GUCY1B1: variants seen among roughly 807,000 people sequenced by gnomAD.
The protein encoded by GUCY1B1 is guanylate cyclase soluble subunit beta-1.
Under a neutral mutation model 71.0 loss-of-function variants are expected in GUCY1B1, and 43 were observed. That is an observed-to-expected ratio of 0.61 (90% CI 0.47 to 0.78). The LOEUF is 0.78. GUCY1B1 is among the 30% of genes least tolerant of loss of function. GUCY1B1 has a pLI of 0.00. For missense variants in GUCY1B1, 535 were observed against 754.1 expected, an observed-to-expected ratio of 0.71 and a Z score of 3.40; for synonymous variants, 266 against 259.7, an observed-to-expected ratio of 1.02 and a Z score of -0.23.
chr4:155,760,463 CT>C (rs1265124516), intron 2 of GUCY1B1, among the ~76,000 whole-genome samples: 1 of 67,594 alleles, frequency 1.5e-5, no homozygotes, highest in Non-Finnish European at 2.8e-5. Context: ...TTTTTTTCTA[CT>C]GTGTTGAAGA....
chr4:155,795,776 G>T (rs756230616), intron 7 of GUCY1B1, among the ~76,000 whole-genome samples: 1 of 149,308 alleles, frequency 6.7e-6, no homozygotes, highest in Non-Finnish European at 1.5e-5. Context: ...AACTAAAAAG[G>T]ATTTTTTTTT....
chr4:155,799,367 C>T (rs1248091371), intron 8 of GUCY1B1, among the ~76,000 whole-genome samples: 1 of 152,104 alleles, frequency 6.6e-6, no homozygotes, highest in Non-Finnish European at 1.5e-5. Flanking sequence ...AAATTACATG[C>T]TGAGGCTGGG....
chr4:155,775,222 G>A (rs1223978603), intron 3 of GUCY1B1, among the ~76,000 whole-genome samples, 154 bp downstream of exon 3: 2 of 152,184 alleles, frequency 1.3e-5, no homozygotes, highest in Admixed American at 1.3e-4. Flanking sequence ...ATCATGTTAG[G>A]CTCAGGCTAT....
chr4:155,796,547 A>G (rs1739571180), intron 8 of GUCY1B1, 37 bp downstream of exon 8: 2 of 1,419,286 alleles, frequency 1.4e-6, no homozygotes, highest in Non-Finnish European at 2.0e-6. Context: ...GGCTATCAGT[A>G]CCTATCTTTA....
At chr4:155,765,392 T>C (rs977418194) in intron 2 of GUCY1B1, among the ~76,000 whole-genome samples, 2 of 152,160 alleles carry the variant, frequency 1.3e-5, no homozygotes, top group Admixed American at 1.3e-4. Flanking sequence ...CGTGAGTACT[T>C]GCAGCTTTTT....
intron 5 of GUCY1B1, among the ~76,000 whole-genome samples, chr4:155,791,373 C>T (rs1739149682): frequency 6.7e-6 from 1 of 149,654 alleles, no homozygotes; most frequent in African/African-American, 2.4e-5. Context: ...GCTCGGCCTT[C>T]CAAAGTGCTG....
chr4:155,793,201 C>T (rs187579675), intron 5 of GUCY1B1, among the ~76,000 whole-genome samples: 7 of 152,160 alleles, frequency 4.6e-5, no homozygotes, highest in South Asian at 2.1e-4. Flanking sequence ...CTCAGCTTCC[C>T]GAGTAGCTGG....
intron 2 of GUCY1B1, among the ~76,000 whole-genome samples, chr4:155,768,164 C>T (rs942701183): frequency 1.3e-5 from 2 of 152,086 alleles, no homozygotes; most frequent in Non-Finnish European, 1.5e-5. Context: ...TCTCCCATTT[C>T]AAAATACTCC....
chr4:155,771,256 C>CT (rs1345251520), intron 2 of GUCY1B1, among the ~76,000 whole-genome samples: 3 of 152,192 alleles, frequency 2.0e-5, no homozygotes, highest in African/African-American at 7.2e-5. Context: ...TCAGTCCCCA[C>CT]TGGGGAGCAT....
intron 2 of GUCY1B1, among the ~76,000 whole-genome samples, chr4:155,769,747 C>G (rs1737572280): frequency 6.6e-6 from 1 of 151,848 alleles, no homozygotes; most frequent in African/African-American, 2.4e-5. Flanking sequence ...ACAGTATGTC[C>G]AAAATTTTCA....
In GUCY1B1 at chr4:155,804,622, A is replaced by G. The variant is rs772475482; in HGVS notation, c.1584A>G (p.Val528=). The G allele has an allele frequency of 6.2e-7, 1 of 1,612,464 alleles. No individual in the cohort carries two copies. Among genetic ancestry groups the G allele is most frequent in the South Asian group, 1.1e-5 (1 of 91,042 alleles). Residue 528 remains valine, a synonymous_variant, in exon 12 of 14, where the codon GTA becomes GTG. Transcript: ENST00000264424. ...CAATAGGGATACACACTGGAGAGGTAGTTACAGGTGTCATAGGACAGCGGA... is the reference window on the plus strand; with the variant it reads ...CAATAGGGATACACACTGGAGAGGTGGTTACAGGTGTCATAGGACAGCGGA... ...QITIGIHTGE[V]VTGVIGQRMP...
intron 2 of GUCY1B1, among the ~76,000 whole-genome samples, chr4:155,770,232 G>T (rs1168615902): frequency 1.3e-5 from 2 of 152,054 alleles, no homozygotes; most frequent in African/African-American, 4.8e-5. Context: ...GTGACTTCAG[G>T]TAGCAGATAA....
intron 2 of GUCY1B1, among the ~76,000 whole-genome samples, chr4:155,771,592 G>C (rs1737697513): frequency 6.6e-6 from 1 of 152,122 alleles, no homozygotes; most frequent in Non-Finnish European, 1.5e-5. Context: ...TTCTGTCAGA[G>C]TCTCCAAAAT....
At position 155,764,443 on chromosome 4, in the gene GUCY1B1, A is replaced by C. The variant is rs1737198440; in HGVS notation, c.77+4583A>C. Among the ~76,000 whole-genome samples the C allele has an allele frequency of 2.6e-5, 4 of 152,226 alleles. No homozygotes were observed. The South Asian group carries it at 8.3e-4, about 31-fold the overall frequency. The stretch of plus-strand genomic sequence containing the variant: ...ATTACTTACTGTCCCAGAGAATTAC[A>C]TATAGGAAACTGAAAAGTCAGAACT... On this transcript the variant is annotated intron_variant, in intron 2 of 13. Coordinates refer to ENST00000264424, the MANE Select transcript of GUCY1B1 (RefSeq NM_000857.5).
At chr4:155,778,663 A>G (rs763198609) in intron 4 of GUCY1B1, among the ~76,000 whole-genome samples, 3 of 152,248 alleles carry the variant, frequency 2.0e-5, no homozygotes, top group Non-Finnish European at 4.4e-5. Flanking sequence ...ATCTCCTGCC[A>G]TGGATTTACT....
At chr4:155,779,689 T>C (rs1738286427) in intron 4 of GUCY1B1, among the ~76,000 whole-genome samples, 1 of 152,228 alleles carries the variant, frequency 6.6e-6, no homozygotes, top group African/African-American at 2.4e-5. Context: ...AAAGTAGATA[T>C]TTATGTTATC....
At chr4:155,786,605 G>A (rs1373574537) in intron 4 of GUCY1B1, among the ~76,000 whole-genome samples, 1 of 151,222 alleles carries the variant, frequency 6.6e-6, no homozygotes, top group Non-Finnish European at 1.5e-5. Context: ...GAGTGGCTGG[G>A]ATTACAGGCA....
chr4:155,760,588 G>A (rs1736936861), intron 2 of GUCY1B1, among the ~76,000 whole-genome samples: 1 of 152,090 alleles, frequency 6.6e-6, no homozygotes, highest in South Asian at 2.1e-4. Flanking sequence ...TGGAATGACT[G>A]ATGGGTCAGC....
Position 155,759,022 on chromosome 4 carries a change from C to A in GUCY1B1, c.-119C>A. ...GGGCGGGCCAAGGCGGCTGTTCTCG[C>A]TCCAGCTCGATGCTGCCTCCCCGGC... On this transcript the variant is annotated 5_prime_UTR_variant, in exon 1 of 14. Coordinates refer to ENST00000264424, the MANE Select transcript of GUCY1B1 (RefSeq NM_000857.5). The A allele has an allele frequency of 1.7e-6, 2 of 1,144,610 alleles. No individual in the cohort carries two copies. The highest frequency in any genetic ancestry group is 2.5e-6 in the Non-Finnish European group (2 of 786,252). The allele number at this position is 1,144,610 out of a possible 1,614,324, so 70.9% of individuals were successfully genotyped here.
Sources: gnomAD v4.1 joint callset for allele counts (sites outside exome capture counted in the v4.1 genomes callset) on GRCh38, gnomAD v4.1.1 for gene constraint, MANE v1.5 for transcripts, NCBI Gene and HGNC (gene_info 2026-07-23, HGNC 2026-07-21) for gene names.